The following PITRM1 variants were observed in gnomAD, a reference collection of about 807,000 sequenced individuals.
PITRM1 encodes the protein presequence protease, mitochondrial.
In PITRM1, 100 loss-of-function variants were observed where a neutral mutation model predicts 129.9. The observed-to-expected ratio is 0.77, with a 90% CI of 0.65 to 0.91. The LOEUF (loss-of-function observed/expected upper bound fraction) is 0.91, where lower values mean the gene tolerates loss of function less well. Among genes scored for constraint, PITRM1 ranks in the 40% least tolerant of loss-of-function variants. PITRM1 has a pLI of 0.00. For synonymous variants in PITRM1, 591 were observed against 508.8 expected (o/e 1.16, Z -2.17); for missense variants, 1,471 against 1,318.3 (o/e 1.12, Z -1.79).
intron 14 of PITRM1, among the ~76,000 whole-genome samples, chr10:3,152,806 T>C (rs947836442): frequency 8.5e-5 from 13 of 152,230 alleles, no homozygotes; most frequent in Non-Finnish European, 1.3e-4. Context: ...CCACCTGCGC[T>C]AGAGCACGCC....
intron 6 of PITRM1, chr10:3,164,374 G>A (rs1203786687): frequency 6.6e-6 from 1 of 152,444 alleles, no homozygotes; most frequent in African/African-American, 2.4e-5. Flanking sequence ...CAGACAGGTT[G>A]TCCAAGTCAC....
chr10:3,138,020 G>T lies in PITRM1; in HGVS notation c.*11C>A. ...GTCTCGGGCTCCTGTGCAGTCGAGC[G>T]CCACGGCTGCTCATTGGATGATCCA... On this transcript the variant is annotated 3_prime_UTR_variant, in exon 27 of 27. Coordinates refer to ENST00000224949, the MANE Select transcript of PITRM1 (RefSeq NM_014889.4). The T allele has an allele frequency of 6.4e-7, 1 of 1,553,464 alleles. No homozygotes were observed. Among genetic ancestry groups the T allele is most frequent in the Non-Finnish European group, 8.8e-7 (1 of 1,132,346 alleles).
chr10:3,168,622 C>A (rs922424116), intron 2 of PITRM1, among the ~76,000 whole-genome samples: 1 of 147,062 alleles, frequency 6.8e-6, no homozygotes, highest in Admixed American at 6.6e-5. Context: ...ACAGTGAGCA[C>A]GTTCTCATGA....
rs1432867816 is a variant in PITRM1 at position 3,172,726 on chromosome 10, AGCCGCCTCAGCACACACAGGCCCT to A, written c.23_46del (p.Gln8_Arg15del). ...CGTCGCAGCGTCTCACCCGCCGCTC[AGCCGCCTCAGCACACACAGGCCCT>A]GCCGCCCGCCGCAGCGCCACATTGC... On this transcript the variant is annotated inframe_deletion, in exon 1 of 27. Coordinates refer to ENST00000224949, the MANE Select transcript of PITRM1 (RefSeq NM_014889.4). The A allele has an allele frequency of 1.1e-5, 17 of 1,542,406 alleles. No homozygotes were observed. The highest frequency in any genetic ancestry group is 1.2e-5 in the Non-Finnish European group (14 of 1,144,190).
intron 20 of PITRM1, chr10:3,146,948 T>C: frequency 2.5e-6 from 1 of 396,852 alleles, no homozygotes; most frequent in Non-Finnish European, 4.5e-6. Context: ...AGCACAAAAT[T>C]AGCCTGCTTT....
chr10:3,139,184 C>G, intron 24 of PITRM1, 135 bp from the exon 25 acceptor site: 1 of 754,440 alleles, frequency 1.3e-6, no homozygotes, highest in Admixed American at 2.4e-5. Flanking sequence ...GTCCAAACAG[C>G]CCACTGACAA....
intron 7 of PITRM1, among the ~76,000 whole-genome samples, chr10:3,160,709 C>T (rs936153141): frequency 1.3e-5 from 2 of 151,932 alleles, no homozygotes; most frequent in African/African-American, 4.8e-5. Context: ...CCAGCCTCAG[C>T]CTCCTCAGTA....
At chr10:3,143,703 G>A (rs540575421) in intron 22 of PITRM1, 53 of 707,724 alleles carry the variant, frequency 7.5e-5, no homozygotes, top group East Asian at 5.2e-4. Flanking sequence ...CTGCAGTTCC[G>A]TCACTCCACA....
chr10:3,141,743 G>A (rs1228846304), intron 23 of PITRM1: 5 of 452,860 alleles, frequency 1.1e-5, no homozygotes, highest in South Asian at 6.5e-5. Context: ...TTTTCCTAAA[G>A]TGGATGAAGG....
At chr10:3,167,678 G>GCGCCCCTTC (rs1187239316) in intron 2 of PITRM1, among the ~76,000 whole-genome samples, 13 of 152,346 alleles carry the variant, frequency 8.5e-5, no homozygotes, top group African/African-American at 2.9e-4. Flanking sequence ...CAGTAACACA[G>GCGCCCCTTC]CACCCCTTCC....
At chr10:3,172,397 G>A (rs189096855) in intron 1 of PITRM1, among the ~76,000 whole-genome samples, 126 of 152,370 alleles carry the variant, frequency 8.3e-4, no homozygotes, top group African/African-American at 2.8e-3. Flanking sequence ...AAAGCTGTCA[G>A]CGAGAACCGC....
intron 20 of PITRM1, chr10:3,146,390 C>T (rs950804517): frequency 5.3e-5 from 8 of 152,374 alleles, no homozygotes; most frequent in African/African-American, 1.9e-4. Flanking sequence ...GATAAACCTG[C>T]AAAGGAAGGT....
rs1402505377 is a variant in PITRM1 at position 3,137,860 on chromosome 10, T to C, written c.*171A>G. The C allele has an allele frequency of 8.5e-6, 5 of 589,992 alleles. No individual in the cohort carries two copies. Among genetic ancestry groups the C allele is most frequent in the African/African-American group, 3.7e-5 (2 of 53,596 alleles). 36.5% of individuals were successfully genotyped at this position (589,992 alleles called of 1,614,324 possible). A position where few individuals can be genotyped will look rare whatever the true frequency, so the allele number is the denominator to read the frequency against. On this transcript the variant is annotated 3_prime_UTR_variant, in exon 27 of 27. Transcript: ENST00000224949. ...TCATGCATGATTATTTCAATGAACC[T>C]CTTCCTGGTCACTCTTAAGATAGAT... is the stretch of plus-strand genomic sequence containing the variant.
chr10:3,155,272 C>T (rs567564900), intron 14 of PITRM1, among the ~76,000 whole-genome samples: 6 of 152,222 alleles, frequency 3.9e-5, no homozygotes, highest in Non-Finnish European at 7.3e-5. Context: ...CCACTCTGCT[C>T]ACAGGCCAGG....
chr10:3,152,581 T>A (rs1250875756), intron 14 of PITRM1, among the ~76,000 whole-genome samples: 1 of 152,210 alleles, frequency 6.6e-6, no homozygotes, highest in African/African-American at 2.4e-5. Flanking sequence ...CTGCCATCAA[T>A]AACCACCCCT....
At chr10:3,138,612 A>T (rs7904857) in intron 25 of PITRM1, 83,381 of 603,782 alleles carry the variant, frequency 0.14, 6,220 homozygotes, top group African/African-American at 0.2. Context: ...CCAGAGAGTA[A>T]CGTGGCCATG....
At chr10:3,165,821 T>C (rs1055951640) in intron 4 of PITRM1, among the ~76,000 whole-genome samples, 6 of 152,246 alleles carry the variant, frequency 3.9e-5, no homozygotes, top group Non-Finnish European at 5.9e-5. Flanking sequence ...TCTACAAAGA[T>C]GACCTCATTC....
At chr10:3,167,923 G>C (rs1429760650) in intron 2 of PITRM1, 1 of 152,082 alleles carries the variant, frequency 6.6e-6, no homozygotes, top group South Asian at 2.1e-4. Flanking sequence ...CAAGACAGAC[G>C]AAAGACTCCC....
At chr10:3,167,284 AGAGCGAGCGAGC>A (rs56035202) in intron 2 of PITRM1, among the ~76,000 whole-genome samples, 4 of 148,976 alleles carry the variant, frequency 2.7e-5, no homozygotes, top group South Asian at 4.2e-4. Flanking sequence ...AAAGAGAGAG[AGAGCGAGCGAGC>A]GAGCGAGCGC....
Sources: allele counts gnomAD v4.1 joint callset (sites outside exome capture counted in the v4.1 genomes callset), GRCh38; gene constraint gnomAD v4.1.1; transcripts MANE v1.5; gene names NCBI Gene and HGNC (gene_info 2026-07-23, HGNC 2026-07-21).